The following MDFIC variants were observed in gnomAD, a reference collection of about 807,000 sequenced individuals.
MDFIC encodes myoD family inhibitor domain-containing protein.
Under a neutral mutation model 23.2 loss-of-function variants are expected in MDFIC, and 17 were observed. That is an observed-to-expected ratio of 0.73 (90% confidence interval 0.50 to 1.10). The LOEUF (loss-of-function observed/expected upper bound fraction) is 1.10. Among genes scored for constraint, MDFIC ranks in the 50% least tolerant of loss-of-function variants. The pLI, the probability that MDFIC is intolerant of heterozygous loss-of-function variation, is 0.00. For missense variants in MDFIC, 356 were observed against 316.6 expected, an observed-to-expected ratio of 1.12 and a Z score of -0.95; for synonymous variants, 120 against 115.2, an observed-to-expected ratio of 1.04 and a Z score of -0.27.
intron 3 of MDFIC, among the ~76,000 whole-genome samples, chr7:114,949,710 G>GTGATA (rs1158297204): frequency 2.0e-5 from 3 of 152,188 alleles, no homozygotes; most frequent in African/African-American, 7.2e-5. Context: ...ACAATTTATT[G>GTGATA]TGATATGATA....
Position 114,942,402 on chromosome 7 carries a change from G to T in MDFIC, c.217+5G>T, listed in dbSNP as rs776070092. ...CGGATGGTGAACTCATTAGAAGTAA[G>T]TATTTTTAGAAAAAACTTTGAGTGA... is the stretch of plus-strand genomic sequence containing the variant. On this transcript the variant is annotated splice_donor_5th_base_variant and intron_variant, in intron 3 of 4. Transcript: ENST00000393486. The T allele has an allele frequency of 1.3e-6, 2 of 1,559,530 alleles. No homozygotes were observed. Among genetic ancestry groups the T allele is most frequent in the Non-Finnish European group, 1.7e-6 (2 of 1,157,562 alleles).
chr7:114,934,766 A>G (rs971618548), intron 2 of MDFIC, among the ~76,000 whole-genome samples: 2 of 152,344 alleles, frequency 1.3e-5, no homozygotes, highest in South Asian at 2.1e-4. Flanking sequence ...TGTTTGCACA[A>G]TCTTGAAGTT....
intron 3 of MDFIC, among the ~76,000 whole-genome samples, chr7:114,956,016 T>A (rs1201936628): frequency 6.6e-6 from 1 of 152,104 alleles, no homozygotes; most frequent in Non-Finnish European, 1.5e-5. Context: ...CCCTTAACCC[T>A]AGAGTGATTC....
At chr7:114,963,196 A>C (rs1433530615) in intron 3 of MDFIC, among the ~76,000 whole-genome samples, 1 of 152,198 alleles carries the variant, frequency 6.6e-6, no homozygotes, top group South Asian at 2.1e-4. Flanking sequence ...GTATATGGTA[A>C]ATAAGCACAA....
intron 3 of MDFIC, among the ~76,000 whole-genome samples, chr7:114,972,326 C>A (rs1398429303): frequency 6.6e-6 from 1 of 152,110 alleles, no homozygotes; most frequent in Non-Finnish European, 1.5e-5. Flanking sequence ...CAAAGGTGAT[C>A]AACTCATCCC....
chr7:114,928,636 C>A (rs1192678529), intron 2 of MDFIC, among the ~76,000 whole-genome samples: 2 of 152,132 alleles, frequency 1.3e-5, no homozygotes, highest in African/African-American at 4.8e-5. Context: ...AGCCTAAAGT[C>A]AGTTTCAGGA....
chr7:114,996,798 TC>T (rs1312525170), intron 4 of MDFIC, among the ~76,000 whole-genome samples: 1 of 152,138 alleles, frequency 6.6e-6, no homozygotes, highest in Non-Finnish European at 1.5e-5. Context: ...CCTATATGAT[TC>T]TAATTTGAAT....
intron 4 of MDFIC, chr7:115,014,481 A>C: frequency 7.8e-7 from 1 of 1,289,792 alleles, no homozygotes; most frequent in South Asian, 1.2e-5. Context: ...CACTCCATCG[A>C]AGGCACTTAA....
At chr7:114,993,995 T>C (rs1791255580) in intron 4 of MDFIC, among the ~76,000 whole-genome samples, 2 of 152,304 alleles carry the variant, frequency 1.3e-5, no homozygotes, top group South Asian at 4.1e-4. Flanking sequence ...AGTCTCTTTG[T>C]AGGTCTCTAA....
intron 4 of MDFIC, among the ~76,000 whole-genome samples, chr7:114,997,385 G>T (rs1444471737): frequency 1.3e-5 from 2 of 151,748 alleles, no homozygotes; most frequent in African/African-American, 4.8e-5. Context: ...TGGTGTTGTA[G>T]GGGAGTGTAT....
At chr7:114,945,239 G>A (rs1379775720) in intron 3 of MDFIC, among the ~76,000 whole-genome samples, 1 of 152,184 alleles carries the variant, frequency 6.6e-6, no homozygotes, top group Non-Finnish European at 1.5e-5. Flanking sequence ...AGTGTAATGA[G>A]GCTGTTTTTA....
rs547000236 is a variant in MDFIC at position 114,994,775 on chromosome 7, C to T, written c.493+14994C>T. 6.6e-5 allele frequency among the ~76,000 whole-genome samples: 10 copies of T among 152,110 alleles called. No individual in the cohort carries two copies. The East Asian group carries it at 1.5e-3, about 24-fold the overall frequency. On this transcript the variant is annotated intron_variant, in intron 4 of 4. Coordinates refer to ENST00000393486, the MANE Select transcript of MDFIC (RefSeq NM_001166345.3). ...TAACCAGACCTTTCTCTCTGGCTGC[C>T]CTTAACATTTTTTCCTTCATTTCCA...
intron 3 of MDFIC, among the ~76,000 whole-genome samples, chr7:114,955,779 C>T (rs11766264): frequency 1.9e-3 from 285 of 152,128 alleles, no homozygotes; most frequent in African/African-American, 6.4e-3. Context: ...TTTCTCAGTC[C>T]GCAGTTCATG....
intron 3 of MDFIC, among the ~76,000 whole-genome samples, chr7:114,960,131 A>C (rs910015872): frequency 2.0e-5 from 3 of 152,168 alleles, no homozygotes; most frequent in Non-Finnish European, 4.4e-5. Context: ...TTTGAAATGT[A>C]CTTGGAGAAA....
intron 2 of MDFIC, among the ~76,000 whole-genome samples, chr7:114,939,931 A>C (rs529020429): frequency 6.6e-6 from 1 of 152,332 alleles, no homozygotes; most frequent in East Asian, 1.9e-4. Flanking sequence ...GGCAGCAAGT[A>C]TGTAGGACTC....
intron 4 of MDFIC, among the ~76,000 whole-genome samples, chr7:114,980,445 C>T (rs893788007): frequency 1.3e-5 from 2 of 152,186 alleles, no homozygotes; most frequent in African/African-American, 4.8e-5. Context: ...TCTATCTCAT[C>T]CTGCCCTTGG....
At chr7:114,935,282 A>T (rs1205800373) in intron 2 of MDFIC, among the ~76,000 whole-genome samples, 1 of 152,120 alleles carries the variant, frequency 6.6e-6, no homozygotes, top group Admixed American at 6.5e-5. Flanking sequence ...TAATATGCAG[A>T]TTATAAATGC....
intron 4 of MDFIC, among the ~76,000 whole-genome samples, chr7:114,983,773 G>A (rs562855278): frequency 2.0e-5 from 3 of 151,822 alleles, no homozygotes; most frequent in Non-Finnish European, 2.9e-5. Context: ...GTTTCACCAC[G>A]TTGGCCAGGC....
At chr7:114,943,252 A>C (rs1189062137) in intron 3 of MDFIC, among the ~76,000 whole-genome samples, 1 of 152,166 alleles carries the variant, frequency 6.6e-6, no homozygotes, top group Non-Finnish European at 1.5e-5. Flanking sequence ...AAGTAACTTC[A>C]TACTATAGAT....
Sources: allele counts gnomAD v4.1 joint callset (sites outside exome capture counted in the v4.1 genomes callset), GRCh38; gene constraint gnomAD v4.1.1; transcripts MANE v1.5; gene names NCBI Gene and HGNC (gene_info 2026-07-23, HGNC 2026-07-21).